CBFA2T2: variants seen among roughly 807,000 people sequenced by gnomAD.
CBFA2T2 encodes the protein protein CBFA2T2.
In CBFA2T2, 11 loss-of-function variants were observed where a neutral mutation model predicts 62.2. That is an observed-to-expected ratio of 0.18 (90% CI 0.11 to 0.29). The LOEUF (loss-of-function observed/expected upper bound fraction) is 0.29. CBFA2T2 is among the 10% of genes least tolerant of loss of function. CBFA2T2 has a pLI of 1.00. For synonymous variants in CBFA2T2, 295 were observed against 287.5 expected, an observed-to-expected ratio of 1.03 and a Z score of -0.27; for missense variants, 592 against 774.1, an observed-to-expected ratio of 0.76 and a Z score of 2.79.
chr20:33,581,052 C>T (rs1004341967), intron 1 of CBFA2T2, among the ~76,000 whole-genome samples: 2 of 151,550 alleles, frequency 1.3e-5, no homozygotes, highest in Non-Finnish European at 2.9e-5. Context: ...CATCCCGTCC[C>T]TCCTTCTTTC....
rs1333938033 is a variant in CBFA2T2 at position 33,607,014 on chromosome 20, G to A, written c.93G>A (p.Gln31=). ...GATCGCCTGTGGAAGTGAAGATACA[G>A]TCCAGATCCTCACCTCCCACCATGC... ...MPGSPVEVKI[Q]SRSSPPTMPP... The change falls in exon 2 of 11, where the codon CAG becomes CAA. Residue 31 remains glutamine, a synonymous_variant. Coordinates refer to ENST00000342704, the MANE Select transcript of CBFA2T2 (RefSeq NM_001032999.3). 5 of 1,613,884 alleles carry A rather than the reference G, an allele frequency of 3.1e-6. No homozygotes were observed. The African/African-American group carries it at 6.7e-5, about 22-fold the overall frequency.
intron 1 of CBFA2T2, chr20:33,562,505 C>T (rs1344985194): frequency 3.0e-6 from 3 of 985,782 alleles, no homozygotes; most frequent in Non-Finnish European, 3.6e-6. Flanking sequence ...AGTGAGAAAT[C>T]GCAGATGTGA....
chr20:33,573,113 A>C (rs1283375928), intron 1 of CBFA2T2, among the ~76,000 whole-genome samples: 1 of 152,202 alleles, frequency 6.6e-6, no homozygotes, highest in Non-Finnish European at 1.5e-5. Context: ...TTAGGTGCCT[A>C]CTGTGTGCTA....
intron 1 of CBFA2T2, among the ~76,000 whole-genome samples, chr20:33,501,725 C>T (rs966606794): frequency 2.9e-5 from 4 of 138,988 alleles, no homozygotes; most frequent in Non-Finnish European, 6.1e-5. Flanking sequence ...CTGCAACCTC[C>T]GACTCCCTGG....
intron 1 of CBFA2T2, among the ~76,000 whole-genome samples, chr20:33,503,611 T>C (rs1862494245): frequency 6.6e-6 from 1 of 152,166 alleles, no homozygotes. Flanking sequence ...CAGTGAAATA[T>C]ATTCATTTTG....
At chr20:33,620,596 T>C (rs1054446816) in intron 4 of CBFA2T2, among the ~76,000 whole-genome samples, 1 of 152,176 alleles carries the variant, frequency 6.6e-6, no homozygotes, top group Non-Finnish European at 1.5e-5. Context: ...TCCATGCACG[T>C]TGGGAGGCCG....
intron 1 of CBFA2T2, among the ~76,000 whole-genome samples, chr20:33,492,824 C>G (rs1044840283): frequency 6.6e-6 from 1 of 152,026 alleles, no homozygotes; most frequent in Non-Finnish European, 1.5e-5. Flanking sequence ...TTTAGTGTTT[C>G]TAAGAGAATT....
intron 1 of CBFA2T2, among the ~76,000 whole-genome samples, chr20:33,540,175 G>A (rs1436283894): frequency 6.6e-6 from 1 of 152,184 alleles, no homozygotes; most frequent in African/African-American, 2.4e-5. Context: ...TTTATTAAAT[G>A]TTTTTTAAAA....
rs367662377 is a variant in CBFA2T2 at position 33,491,837 on chromosome 20, G to A, written c.34+1536G>A. Reference sequence around the variant, plus strand: ...CTGTCTCAGCCTCCGGAGTAGCTGGGACTACAGGCATATGCCACCACGCTC... The same window carrying A: ...CTGTCTCAGCCTCCGGAGTAGCTGGAACTACAGGCATATGCCACCACGCTC... On this transcript the variant is annotated intron_variant, in intron 1 of 10. Coordinates refer to ENST00000342704, the MANE Select transcript of CBFA2T2 (RefSeq NM_001032999.3). 4.7e-4 allele frequency among the ~76,000 whole-genome samples: 71 copies of A among 152,036 alleles called. No individual in the cohort carries two copies. The East Asian group carries it at 6.4e-3, about 14-fold the overall frequency.
In CBFA2T2 at chr20:33,536,420, CG is replaced by C. The variant is rs1411235465; in HGVS notation, c.34+46125del. On this transcript the variant is annotated intron_variant, in intron 1 of 10. Transcript: ENST00000342704. ...CTCCCGGACAGGGTGGCTGGCCGGG[CG>C]GGGGGCTGACCCCCCCACCTCCCTC... is the stretch of plus-strand genomic sequence containing the variant. Among the ~76,000 whole-genome samples the C allele has an allele frequency of 2.7e-5, 4 of 146,354 alleles. No homozygotes were observed. The South Asian group carries it at 8.7e-4, about 32-fold the overall frequency.
At chr20:33,496,217 G>T (rs563526596) in intron 1 of CBFA2T2, among the ~76,000 whole-genome samples, 19 of 152,328 alleles carry the variant, frequency 1.2e-4, no homozygotes, top group African/African-American at 4.6e-4. Flanking sequence ...GCTGAAGGTA[G>T]TTGAGGGCTT....
intron 1 of CBFA2T2, among the ~76,000 whole-genome samples, chr20:33,567,464 G>C (rs1328942717): frequency 1.3e-5 from 2 of 152,126 alleles, no homozygotes; most frequent in Non-Finnish European, 2.9e-5. Context: ...AGTACGCTAA[G>C]ACATTCTGAG....
rs1343914314 is a variant in CBFA2T2, at chr20:33,624,930, T to C, written c.859T>C (p.Leu287=). ...PTPPPLQHYT[L]EDIATSHLYR... ...CCCTCCACCTCTTCAGCATTACACC[T>C]TAGAGGATATTGCAACTTCTCACCT... Residue 287 remains leucine, a synonymous_variant, in exon 6 of 11, where the codon TTA becomes CTA. Transcript: ENST00000342704. 1 of 1,613,912 alleles carries C rather than the reference T, an allele frequency of 6.2e-7. No individual in the cohort carries two copies. The highest frequency in any genetic ancestry group is 1.3e-5 in the African/African-American group (1 of 74,876).
intron 8 of CBFA2T2, among the ~76,000 whole-genome samples, chr20:33,632,488 T>TTTA (rs2016488096): frequency 6.6e-6 from 1 of 150,870 alleles, no homozygotes; most frequent in African/African-American, 2.4e-5. Flanking sequence ...TTTTTTTTTT[T>TTTA]AACAGAGTCT....
At chr20:33,627,401 G>C (rs1367455309) in intron 6 of CBFA2T2, among the ~76,000 whole-genome samples, 1 of 151,844 alleles carries the variant, frequency 6.6e-6, no homozygotes, top group African/African-American at 2.4e-5. Flanking sequence ...GTCAAGGGGG[G>C]GGAAAAAAAC....
chr20:33,514,277 C>T (rs573207819), intron 1 of CBFA2T2, among the ~76,000 whole-genome samples: 4 of 126,476 alleles, frequency 3.2e-5, no homozygotes, highest in South Asian at 2.7e-4. Context: ...TGCAGTGGTG[C>T]GATCTCGGCT....
rs148980385 is a variant in CBFA2T2 at position 33,561,321 on chromosome 20, C to A, written c.35-45635C>A. Among the ~76,000 whole-genome samples, 467 of 152,320 alleles carry A rather than the reference C, an allele frequency of 3.1e-3. 22 individuals carry two copies. The East Asian group carries it at 0.084, about 27-fold the overall frequency. On this transcript the variant is annotated intron_variant, in intron 1 of 10. Transcript: ENST00000342704. ...AACGCCTGAGCTCAAGCGACCTGAC[C>A]ACCTTGGCCTCCCAAAGTGTTGGGA...
At position 33,611,217 on chromosome 20, in the gene CBFA2T2, C is replaced by T; in HGVS notation, c.302C>T (p.Thr101Ile). The T allele has an allele frequency of 6.2e-7, 1 of 1,614,220 alleles. No individual in the cohort carries two copies. The highest frequency in any genetic ancestry group is 2.2e-5 in the East Asian group (1 of 44,882). The change falls in exon 3 of 11, where the codon ACT (threonine) becomes ATT (isoleucine). Residue 101 changes from threonine (T) to isoleucine (I), a missense_variant. This residue lies in a region of CBFA2T2 where 449 missense variants were observed against 551.2 expected (regional missense o/e 0.81). Coordinates refer to ENST00000342704, the MANE Select transcript of CBFA2T2 (RefSeq NM_001032999.3). ...CTCACAAATCAGCAATTGCCAGCCACTTGTGGTGCTCGACAACTCAGCAAG... is the reference window on the plus strand; with the variant it reads ...CTCACAAATCAGCAATTGCCAGCCATTTGTGGTGCTCGACAACTCAGCAAG... ...SALTNQQLPA[T>I]CGARQLSKLK...
intron 3 of CBFA2T2, among the ~76,000 whole-genome samples, chr20:33,617,950 C>G (rs2015773284): frequency 1.3e-5 from 2 of 151,976 alleles, no homozygotes; most frequent in Admixed American, 6.5e-5. Context: ...GATTATTCTC[C>G]CAGGCATTAA....
Sources: gnomAD v4.1 joint callset for allele counts (sites outside exome capture counted in the v4.1 genomes callset) on GRCh38, gnomAD v4.1.1 for gene constraint, gnomAD v4.1.1 regional missense constraint, MANE v1.5 for transcripts, NCBI Gene and HGNC (gene_info 2026-07-23, HGNC 2026-07-21) for gene names.